Variants in NTM observed in about 807,000 individuals in gnomAD.
NTM encodes IgLON family member 2.
In NTM, 13 loss-of-function variants were observed where a neutral mutation model predicts 42.1. That is an observed-to-expected ratio of 0.31 (90% CI 0.20 to 0.49). NTM has a LOEUF of 0.49. NTM is among the 20% of genes least tolerant of loss of function. The probability of loss-of-function intolerance (pLI) is 0.99; values close to 1 mark genes in which losing one functional copy is unlikely to be tolerated. For missense variants in NTM, 373 were observed against 452.8 expected (o/e 0.82, Z 1.60); for synonymous variants, 187 against 179.2 (o/e 1.04, Z -0.35).
intron 1 of NTM, among the ~76,000 whole-genome samples, chr11:131,523,290 G>A (rs2049999719): frequency 6.6e-6 from 1 of 152,198 alleles, no homozygotes; most frequent in Admixed American, 6.5e-5. Context: ...TCAGAGGTGG[G>A]TTTCGAGAAT....
chr11:131,401,827 T>C lies in NTM; in HGVS notation c.82+30939T>C, dbSNP rs1419766007. The stretch of plus-strand genomic sequence containing the variant: ...ATATATATATATATATATATATATA[T>C]ATATATATATATATATATATATATA... On this transcript the variant is annotated intron_variant, in intron 1 of 8. Coordinates refer to ENST00000683400, the MANE Select transcript of NTM (RefSeq NM_001352005.2). 1.6e-3 allele frequency among the ~76,000 whole-genome samples: 102 copies of C among 63,678 alleles called. 4 individuals are homozygous for C. The highest frequency in any genetic ancestry group is 6.4e-3 in the African/African-American group (94 of 14,786). The allele number at this position is 63,678 out of a possible 152,430, so 41.8% of individuals were successfully genotyped here. A position where few individuals can be genotyped will look rare whatever the true frequency, so the allele number is the denominator to read the frequency against.
chr11:131,762,755 T>C (rs1003443630), intron 1 of NTM, among the ~76,000 whole-genome samples: 1 of 152,208 alleles, frequency 6.6e-6, no homozygotes, highest in Non-Finnish European at 1.5e-5. Flanking sequence ...GGTGACCCCA[T>C]TATGATAATG....
intron 2 of NTM, among the ~76,000 whole-genome samples, chr11:131,915,125 T>C (rs564092341): frequency 6.6e-6 from 1 of 152,342 alleles, no homozygotes; most frequent in South Asian, 2.1e-4. Flanking sequence ...CACACCTCTC[T>C]GAAATAGACA....
At chr11:132,133,231 C>T (rs1356710698) in intron 2 of NTM, among the ~76,000 whole-genome samples, 1 of 152,172 alleles carries the variant, frequency 6.6e-6, no homozygotes, top group African/African-American at 2.4e-5. Flanking sequence ...CTTCCCTGAC[C>T]CATTAGACTA....
chr11:131,853,328 T>C (rs1338669909), intron 1 of NTM, among the ~76,000 whole-genome samples: 1 of 152,148 alleles, frequency 6.6e-6, no homozygotes, highest in African/African-American at 2.4e-5. Context: ...GCTGTGCAGA[T>C]CATCCCATCA....
chr11:131,869,613 C>T (rs1325293377), intron 1 of NTM, among the ~76,000 whole-genome samples: 1 of 152,198 alleles, frequency 6.6e-6, no homozygotes, highest in African/African-American at 2.4e-5. Flanking sequence ...TTTATGCTCT[C>T]ATTTTATTTT....
chr11:132,062,105 C>T (rs1219075462), intron 2 of NTM, among the ~76,000 whole-genome samples: 12 of 152,156 alleles, frequency 7.9e-5, no homozygotes. Context: ...TAATCAACTC[C>T]AGGAAAGTTG....
intron 1 of NTM, among the ~76,000 whole-genome samples, chr11:131,570,540 C>A (rs1164163658): frequency 1.3e-5 from 2 of 152,122 alleles, no homozygotes; most frequent in Non-Finnish European, 2.9e-5. Context: ...AATTCAAAAA[C>A]AAGGCCAGGC....
intron 3 of NTM, among the ~76,000 whole-genome samples, chr11:132,189,208 G>A (rs1196004758): frequency 6.6e-6 from 1 of 152,148 alleles, no homozygotes; most frequent in Non-Finnish European, 1.5e-5. Flanking sequence ...GTTTCTCTGT[G>A]TGTCTTTTTA....
intron 1 of NTM, among the ~76,000 whole-genome samples, chr11:131,814,707 C>T (rs1005817874): frequency 1.3e-5 from 2 of 152,158 alleles, no homozygotes; most frequent in East Asian, 1.9e-4. Context: ...CTCCTTGCTG[C>T]GCGTCTTGCG....
chr11:132,147,930 T>TGGGTC (rs1327906975), intron 3 of NTM, among the ~76,000 whole-genome samples: 2 of 152,064 alleles, frequency 1.3e-5, no homozygotes, highest in Admixed American at 1.3e-4. Context: ...AGGCGGAACT[T>TGGGTC]GGGTCGTGAT....
chr11:132,008,343 G>A (rs2071293405), intron 2 of NTM, among the ~76,000 whole-genome samples: 2 of 152,142 alleles, frequency 1.3e-5, no homozygotes, highest in Non-Finnish European at 2.9e-5. Context: ...TGTCCCTCCT[G>A]GCAGGACTTG....
intron 1 of NTM, among the ~76,000 whole-genome samples, chr11:131,707,923 T>C (rs545899011): frequency 6.6e-6 from 1 of 152,176 alleles, no homozygotes; most frequent in South Asian, 2.1e-4. Flanking sequence ...GACAGAGCAA[T>C]TAGGCAAGAA....
At chr11:132,188,991 G>A (rs2078879529) in intron 3 of NTM, among the ~76,000 whole-genome samples, 1 of 152,146 alleles carries the variant, frequency 6.6e-6, no homozygotes, top group African/African-American at 2.4e-5. Flanking sequence ...AGCTTAATAA[G>A]AAAGAAAGGA....
At chr11:131,806,140 A>G (rs1356215804) in intron 1 of NTM, among the ~76,000 whole-genome samples, 1 of 152,186 alleles carries the variant, frequency 6.6e-6, no homozygotes, top group Non-Finnish European at 1.5e-5. Flanking sequence ...GTGGCCAATG[A>G]GGTAAATTAG....
chr11:131,788,623 A>G (rs1054852433), intron 1 of NTM, among the ~76,000 whole-genome samples: 11 of 152,122 alleles, frequency 7.2e-5, no homozygotes, highest in Non-Finnish European at 1.2e-4. Flanking sequence ...ACCAAGACTG[A>G]CTTTCACCCA....
chr11:131,691,210 C>G (rs1470671610), intron 1 of NTM, among the ~76,000 whole-genome samples: 3 of 152,206 alleles, frequency 2.0e-5, no homozygotes, highest in Admixed American at 1.3e-4. Context: ...CCCGTCCCCC[C>G]GCAGTGCCAG....
chr11:131,502,914 T>C (rs1469703532), intron 1 of NTM: 1 of 152,170 alleles, frequency 6.6e-6, no homozygotes, highest in Non-Finnish European at 1.5e-5. Context: ...ATCATATCCA[T>C]GGCGAGATGT....
chr11:131,469,268 C>A (rs1264374048), intron 1 of NTM, among the ~76,000 whole-genome samples: 2 of 152,218 alleles, frequency 1.3e-5, no homozygotes, highest in African/African-American at 4.8e-5. Flanking sequence ...TGGCTACTAT[C>A]TTTGGAGTAG....
Sources: allele counts gnomAD v4.1 joint callset (sites outside exome capture counted in the v4.1 genomes callset), GRCh38; gene constraint gnomAD v4.1.1; transcripts MANE v1.5; gene names NCBI Gene and HGNC (gene_info 2026-07-23, HGNC 2026-07-21).